YY1: variants seen among roughly 807,000 people sequenced by gnomAD.
YY1 encodes YY1 transcription factor.
A neutral mutation model predicts 35.6 loss-of-function variants in YY1; 2 were observed. The ratio of observed to expected loss-of-function variants is 0.06; its 90% CI spans 0.02 to 0.18. The LOEUF is 0.18. YY1 is among the 10% of genes least tolerant of loss of function. The probability of loss-of-function intolerance (pLI) is 1.00; values close to 1 mark genes in which losing one functional copy is unlikely to be tolerated. For missense variants in YY1, 322 were observed against 573.4 expected (o/e 0.56, Z 4.48); for synonymous variants, 268 against 238.9 (o/e 1.12, Z -1.12).
At chr14:100,270,756 T>A (rs1358124834) in intron 2 of YY1, among the ~76,000 whole-genome samples, 1 of 152,204 alleles carries the variant, frequency 6.6e-6, no homozygotes, top group African/African-American at 2.4e-5. Flanking sequence ...GGACAAACAG[T>A]CATGTAGCCA....
At chr14:100,255,884 ATAT>A (rs1201030383) in intron 1 of YY1, among the ~76,000 whole-genome samples, 1 of 152,174 alleles carries the variant, frequency 6.6e-6, no homozygotes, top group East Asian at 1.9e-4. Flanking sequence ...CATTCTCTTA[ATAT>A]TAGAATTGTT....
chr14:100,281,535 A>G lies in YY1; in HGVS notation c.*3935A>G, dbSNP rs1483723513. 1 of 152,226 alleles carries G rather than the reference A, an allele frequency of 6.6e-6. No individual in the cohort carries two copies. The highest frequency in any genetic ancestry group is 1.5e-5 in the Non-Finnish European group (1 of 68,064). The allele number at this position is 152,226 out of a possible 1,614,324, so 9.4% of individuals were successfully genotyped here. ...AGGCCCAGCAGGTCCTGGCAAGTGCATTCCACCCGAACTTTTAACCCAAGC... is the reference window on the plus strand; with the variant it reads ...AGGCCCAGCAGGTCCTGGCAAGTGCGTTCCACCCGAACTTTTAACCCAAGC... On this transcript the variant is annotated 3_prime_UTR_variant, in exon 5 of 5. Coordinates refer to ENST00000262238, the MANE Select transcript of YY1 (RefSeq NM_003403.5).
At chr14:100,251,776 C>T (rs775303856) in intron 1 of YY1, among the ~76,000 whole-genome samples, 2 of 152,168 alleles carry the variant, frequency 1.3e-5, no homozygotes, top group Non-Finnish European at 2.9e-5. Flanking sequence ...CCCTCCCCTC[C>T]CTTTGCTTCT....
chr14:100,242,675 A>G (rs1890768789), intron 1 of YY1, among the ~76,000 whole-genome samples: 1 of 152,052 alleles, frequency 6.6e-6, no homozygotes, highest in African/African-American at 2.4e-5. Context: ...GGTGTGAGCC[A>G]CCGCGCCCAG....
At chr14:100,262,600 C>A in intron 2 of YY1, 134 bp downstream of exon 2, 1 of 1,013,144 alleles carries the variant, frequency 9.9e-7, no homozygotes, top group Non-Finnish European at 1.5e-6. Context: ...CAAAAGCAGT[C>A]AGTTTTATTT....
At chr14:100,269,341 G>T (rs1891200490) in intron 2 of YY1, among the ~76,000 whole-genome samples, 1 of 151,700 alleles carries the variant, frequency 6.6e-6, no homozygotes, top group Non-Finnish European at 1.5e-5. Context: ...AGGCCGAGAA[G>T]TTACAGTTTG....
chr14:100,239,669 A>G lies in YY1; in HGVS notation c.425A>G (p.Asp142Gly), dbSNP rs1890695224. 2.5e-6 allele frequency: 4 copies of G among 1,607,636 alleles called. No individual in the cohort carries two copies. Among genetic ancestry groups the G allele is most frequent in the South Asian group, 1.1e-5 (1 of 90,976 alleles). The change falls in exon 1 of 5, where the codon GAC becomes GGC. Residue 142 changes from aspartate (D) to glycine (G), a missense_variant. Asp to Gly is a moderately conservative substitution (Grantham distance 94). This residue lies in a region of YY1 where 152 missense variants were observed against 167.1 expected (regional missense o/e 0.91). Coordinates refer to ENST00000262238, the MANE Select transcript of YY1 (RefSeq NM_003403.5). ...LIPVPAPAGG[D>G]DDYIEQTLVT... ...CCGGTGCCCGCGCCGGCCGGCGGCG[A>G]CGACGACTACATTGAACAAACGCTG...
intron 2 of YY1, among the ~76,000 whole-genome samples, chr14:100,267,154 T>C (rs1466877086): frequency 1.3e-5 from 2 of 151,996 alleles, no homozygotes; most frequent in Non-Finnish European, 2.9e-5. Context: ...GGAAACTCCA[T>C]GAAAAGGGGT....
At position 100,239,427 on chromosome 14, in the gene YY1, C is replaced by T. The variant is rs755490342; in HGVS notation, c.183C>T (p.Gly61=). The T allele has an allele frequency of 1.3e-6, 2 of 1,593,376 alleles. No individual in the cohort carries two copies. Among genetic ancestry groups the T allele is most frequent in the Non-Finnish European group, 1.7e-6 (2 of 1,171,848 alleles). ...DEDGGGGDHG[G]GGGHGHAGHH... ...ACGGCGGCGGTGGCGACCACGGCGG[C>T]GGGGGCGGCCACGGGCACGCCGGCC... The change falls in exon 1 of 5, where the codon GGC becomes GGT. Residue 61 remains glycine (G), a synonymous_variant. Coordinates refer to ENST00000262238, the MANE Select transcript of YY1 (RefSeq NM_003403.5).
chr14:100,269,188 C>T (rs928974062), intron 2 of YY1, among the ~76,000 whole-genome samples: 3 of 152,100 alleles, frequency 2.0e-5, no homozygotes, highest in Admixed American at 6.6e-5. Flanking sequence ...AGTCCTTTAT[C>T]GAAGGGTGGT....
chr14:100,269,575 C>T (rs568395469), intron 2 of YY1, among the ~76,000 whole-genome samples: 4 of 152,244 alleles, frequency 2.6e-5, no homozygotes, highest in Non-Finnish European at 5.9e-5. Flanking sequence ...TTACTGTTTA[C>T]TCGCAAAATG....
Position 100,276,189 on chromosome 14 carries a change from T to C in YY1, c.904-301T>C. On this transcript the variant is annotated intron_variant, in intron 3 of 4. Transcript: ENST00000262238. The surrounding 1 kb of genome is among the most constrained non-coding windows in gnomAD (Gnocchi z 4.1). ...GTGGTAGAGCTGGAAGCCAGGGTGT[T>C]GGGTTCTATTCCCAGTTTGGCTACT... 2.5e-6 allele frequency: 1 copy of C among 392,840 alleles called. No homozygotes were observed. The highest frequency in any genetic ancestry group is 4.8e-6 in the Non-Finnish European group (1 of 208,412). 24.3% of individuals were successfully genotyped at this position (392,840 alleles called of 1,614,324 possible).
At chr14:100,268,851 T>A (rs1037348578) in intron 2 of YY1, among the ~76,000 whole-genome samples, 8 of 152,222 alleles carry the variant, frequency 5.3e-5, no homozygotes, top group Non-Finnish European at 1.0e-4. Flanking sequence ...TGGAAGAGGC[T>A]TATTTTCATT....
chr14:100,247,485 A>G (rs1301830361), intron 1 of YY1, among the ~76,000 whole-genome samples: 2 of 151,524 alleles, frequency 1.3e-5, no homozygotes, highest in African/African-American at 4.9e-5. Flanking sequence ...GGGCTCAAGC[A>G]GTCCTCCTGC....
intron 3 of YY1, chr14:100,275,580 A>G (rs963142356): frequency 1.3e-5 from 2 of 152,288 alleles, no homozygotes; most frequent in Non-Finnish European, 1.5e-5. Context: ...ATGGACACAT[A>G]ATACTTGTAC....
intron 1 of YY1, among the ~76,000 whole-genome samples, chr14:100,252,999 T>A: frequency 6.6e-6 from 1 of 152,114 alleles, no homozygotes; most frequent in Admixed American, 6.6e-5. Context: ...GCAGTGATAG[T>A]GCCACTGCAC....
chr14:100,239,884 A>G lies in YY1; in HGVS notation c.640A>G (p.Thr214Ala). 1 of 1,528,556 alleles carries G rather than the reference A, an allele frequency of 6.5e-7. No homozygotes were observed. 94.7% of individuals were successfully genotyped at this position (1,528,556 alleles called of 1,614,324 possible). ...GGAGCAGAAGCAGGTGCAGATCAAG[A>G]CCCTGGAGGGCGAGTTCTCGGTCAC... ...KWEQKQVQIKTLEGEFSVTMW... is the reference protein window; with the variant it reads ...KWEQKQVQIKALEGEFSVTMW... The change falls in exon 1 of 5, where the codon ACC (threonine) becomes GCC (alanine). Residue 214 changes from threonine (T) to alanine (A), a missense_variant. Physicochemically the swap from Thr to Ala is moderately conservative, Grantham distance 58. Coordinates refer to ENST00000262238, the MANE Select transcript of YY1 (RefSeq NM_003403.5).
chr14:100,260,014 A>AT (rs145015945), intron 1 of YY1, among the ~76,000 whole-genome samples: 4,556 of 152,296 alleles, frequency 0.03, 252 homozygotes, highest in African/African-American at 0.1. Flanking sequence ...TACTACAGTC[A>AT]TTTAGGTTTG....
At chr14:100,259,963 G>C (rs1891057586) in intron 1 of YY1, among the ~76,000 whole-genome samples, 1 of 152,208 alleles carries the variant, frequency 6.6e-6, no homozygotes, top group Non-Finnish European at 1.5e-5. Context: ...ATCCTTTGCA[G>C]TATCACTAGA....
Sources: gnomAD v4.1 joint callset for allele counts (sites outside exome capture counted in the v4.1 genomes callset) on GRCh38, gnomAD v4.1.1 for gene constraint, gnomAD v4.1.1 regional missense constraint, Gnocchi (gnomAD v3.1) non-coding constraint, MANE v1.5 for transcripts, NCBI Gene and HGNC (gene_info 2026-07-23, HGNC 2026-07-21) for gene names.